The following OPCML variants were observed in gnomAD, a reference collection of about 807,000 sequenced individuals.
OPCML encodes opioid-binding protein/cell adhesion molecule.
OPCML carries 13 observed loss-of-function variants against 37.8 expected under a neutral mutation model. The observed-to-expected ratio is 0.34, with a 90% CI of 0.22 to 0.55. OPCML has a LOEUF of 0.55. Among genes scored for constraint, OPCML ranks in the 20% least tolerant of loss-of-function variants. The pLI is 0.91. For missense variants in OPCML, 341 were observed against 435.6 expected (o/e 0.78, Z 1.93); for synonymous variants, 176 against 168.8 (o/e 1.04, Z -0.33).
At chr11:133,419,276 G>A (rs1381023331) in intron 1 of OPCML, 4 of 985,386 alleles carry the variant, frequency 4.1e-6, no homozygotes, top group Non-Finnish European at 4.8e-6. Flanking sequence ...TGAACATGTG[G>A]AATTTGTGAA....
At chr11:133,312,755 T>G (rs2136597401) in intron 1 of OPCML, among the ~76,000 whole-genome samples, 1 of 152,330 alleles carries the variant, frequency 6.6e-6, no homozygotes, top group Non-Finnish European at 1.5e-5. Flanking sequence ...AAAGTTCAAG[T>G]TTAATGACAT....
intron 1 of OPCML, among the ~76,000 whole-genome samples, chr11:133,493,672 A>G (rs1289084725): frequency 6.6e-6 from 1 of 152,202 alleles, no homozygotes; most frequent in African/African-American, 2.4e-5. Flanking sequence ...CATCTTAATT[A>G]CTACATAAGA....
intron 4 of OPCML, among the ~76,000 whole-genome samples, chr11:132,492,174 G>C (rs994292110): frequency 2.0e-5 from 3 of 151,980 alleles, no homozygotes; most frequent in Admixed American, 2.0e-4. Context: ...GGACACATGG[G>C]GTTTTGAGAC....
At chr11:132,820,014 T>A (rs1366212073) in intron 2 of OPCML, among the ~76,000 whole-genome samples, 1 of 152,064 alleles carries the variant, frequency 6.6e-6, no homozygotes, top group Admixed American at 6.6e-5. Flanking sequence ...GCATCTTCAC[T>A]CTGGAAACGT....
chr11:133,037,731 T>A (rs1947807747), intron 1 of OPCML, among the ~76,000 whole-genome samples: 1 of 152,226 alleles, frequency 6.6e-6, no homozygotes, highest in Admixed American at 6.5e-5. Flanking sequence ...CACTGTTACC[T>A]TGCAATTAGC....
At chr11:132,852,256 T>C (rs1941842643) in intron 2 of OPCML, among the ~76,000 whole-genome samples, 1 of 152,088 alleles carries the variant, frequency 6.6e-6, no homozygotes, top group Admixed American at 6.6e-5. Flanking sequence ...CTCCCACATA[T>C]ATGCAAAAAA....
intron 1 of OPCML, among the ~76,000 whole-genome samples, chr11:132,946,040 C>T (rs1945739652): frequency 6.6e-6 from 1 of 152,194 alleles, no homozygotes; most frequent in South Asian, 2.1e-4. Context: ...CCTCGGCCTC[C>T]CAAAGTGCTG....
chr11:132,677,708 G>T (rs1942769526), intron 2 of OPCML, among the ~76,000 whole-genome samples: 1 of 151,464 alleles, frequency 6.6e-6, no homozygotes, highest in South Asian at 2.1e-4. Context: ...ACATGAAAAA[G>T]AAAAAAGAAA....
chr11:133,154,649 A>G (rs1377412189), intron 1 of OPCML, among the ~76,000 whole-genome samples: 4 of 152,202 alleles, frequency 2.6e-5, no homozygotes, highest in Non-Finnish European at 5.9e-5. Flanking sequence ...TTAGGAAAAC[A>G]ATTCAAGCCC....
intron 2 of OPCML, among the ~76,000 whole-genome samples, chr11:132,731,869 G>C (rs1250794438): frequency 6.6e-6 from 1 of 152,050 alleles, no homozygotes; most frequent in African/African-American, 2.4e-5. Flanking sequence ...AGGTGTATCA[G>C]GATTATTAAA....
At chr11:132,736,748 G>A (rs571536166) in intron 2 of OPCML, among the ~76,000 whole-genome samples, 76 of 152,108 alleles carry the variant, frequency 5.0e-4, no homozygotes, top group Non-Finnish European at 5.0e-4. Flanking sequence ...GCACTAGTGA[G>A]CAGATCCTTC....
intron 1 of OPCML, among the ~76,000 whole-genome samples, chr11:133,287,791 T>A (rs919399377): frequency 3.9e-5 from 6 of 152,078 alleles, no homozygotes; most frequent in African/African-American, 1.2e-4. Flanking sequence ...TTCAAAGAGC[T>A]GTCCAGGTAC....
intron 1 of OPCML, among the ~76,000 whole-genome samples, chr11:133,288,533 G>T (rs374952747): frequency 1.3e-5 from 2 of 152,156 alleles, no homozygotes; most frequent in Non-Finnish European, 2.9e-5. Flanking sequence ...GGACTGTTGC[G>T]GTGTAAGGCC....
chr11:132,841,023 C>T (rs950584890), intron 2 of OPCML, among the ~76,000 whole-genome samples: 9 of 152,100 alleles, frequency 5.9e-5, no homozygotes, highest in Admixed American at 2.0e-4. Flanking sequence ...ACCTCAGAGT[C>T]GTCATCGTTC....
intron 2 of OPCML, among the ~76,000 whole-genome samples, chr11:132,801,997 C>G (rs76955709): frequency 0.016 from 2,422 of 152,250 alleles, 27 homozygotes; most frequent in Middle Eastern, 0.031. Context: ...CATCTCCCCC[C>G]ACCACCCTCA....
intron 1 of OPCML, among the ~76,000 whole-genome samples, chr11:133,203,208 C>T (rs1345590118): frequency 3.3e-5 from 5 of 152,346 alleles, no homozygotes; most frequent in East Asian, 1.9e-4. Context: ...TATACACCTT[C>T]CAAGCAAGTT....
intron 1 of OPCML, among the ~76,000 whole-genome samples, chr11:133,471,638 A>T (rs1484248003): frequency 1.3e-5 from 2 of 152,176 alleles, no homozygotes; most frequent in African/African-American, 4.8e-5. Flanking sequence ...AAACAAGAGT[A>T]AAAAACCGGA....
intron 1 of OPCML, chr11:133,420,677 A>C (rs1945868192): frequency 2.0e-6 from 2 of 985,420 alleles, no homozygotes; most frequent in African/African-American, 3.5e-5. Flanking sequence ...AGGAAGTTGA[A>C]AAGGATGCAT....
intron 1 of OPCML, among the ~76,000 whole-genome samples, chr11:133,456,619 G>T (rs1171567571): frequency 6.6e-6 from 1 of 152,000 alleles, no homozygotes; most frequent in African/African-American, 2.4e-5. Context: ...TTAAACAATT[G>T]TCTTAAATAT....
Sources: gnomAD v4.1 joint callset for allele counts (sites outside exome capture counted in the v4.1 genomes callset) on GRCh38, gnomAD v4.1.1 for gene constraint, MANE v1.5 for transcripts, NCBI Gene and HGNC (gene_info 2026-07-23, HGNC 2026-07-21) for gene names.